PTPRO: variants seen among roughly 807,000 people sequenced by gnomAD.
The protein encoded by PTPRO is protein tyrosine phosphatase receptor type O.
In PTPRO, 62 loss-of-function variants were observed where a neutral mutation model predicts 145.2. The ratio of observed to expected loss-of-function variants is 0.43; its 90% confidence interval spans 0.35 to 0.53. The LOEUF is 0.53. Among genes scored for constraint, PTPRO ranks in the 20% least tolerant of loss-of-function variants. The probability of loss-of-function intolerance (pLI) is 0.01; values close to 1 mark genes in which losing one functional copy is unlikely to be tolerated. For missense variants in PTPRO, 1,345 were observed against 1,482.7 expected (o/e 0.91, Z 1.53); for synonymous variants, 565 against 514.7 (o/e 1.10, Z -1.32).
chr12:15,322,685 C>A lies in PTPRO; in HGVS notation c.-42C>A. On this transcript the variant is annotated 5_prime_UTR_variant, in exon 1 of 27. Coordinates refer to ENST00000281171, the MANE Select transcript of PTPRO (RefSeq NM_030667.3). This position sits in a 1 kb window ranked among gnomAD's most constrained non-coding sequence, Gnocchi z 6.3. ...CATTGTGAGCCGCCGCCGGGGGAGT[C>A]CGCTAGCGCAGCCGTGCCCCCGAGT... 1.9e-6 allele frequency: 3 copies of A among 1,558,260 alleles called. No individual in the cohort carries two copies. Among genetic ancestry groups the A allele is most frequent in the South Asian group, 1.1e-5 (1 of 87,118 alleles).
chr12:15,482,008 A>G (rs995543899), intron 1 of PTPRO, among the ~76,000 whole-genome samples: 2 of 152,178 alleles, frequency 1.3e-5, no homozygotes, highest in African/African-American at 4.8e-5. Context: ...ACGACTGGGT[A>G]TCTATCCAAA....
intron 1 of PTPRO, among the ~76,000 whole-genome samples, chr12:15,457,391 C>T (rs1941204389): frequency 6.6e-6 from 1 of 152,170 alleles, no homozygotes; most frequent in African/African-American, 2.4e-5. Flanking sequence ...TCTGGAGAAC[C>T]ATGAATAATA....
At chr12:15,569,317 A>G (rs1019325861) in intron 18 of PTPRO, 100 bp from the exon 19 acceptor site, 16 of 1,150,404 alleles carry the variant, frequency 1.4e-5, no homozygotes, top group African/African-American at 4.7e-5. Flanking sequence ...TAAAACTTCT[A>G]TTTTCTCCAA....
chr12:15,524,860 G>A lies in PTPRO; in HGVS notation c.1938G>A (p.Leu646=). ...CTTCTGTGGAATATTTCAACAGTCT[G>A]TTATATATCAGTTGGACATATGGGG... is the stretch of plus-strand genomic sequence containing the variant. ...EITSVEYFNS[L]LYISWTYGDD... The change falls in exon 11 of 27, where the codon CTG becomes CTA. Residue 646 remains leucine (L), a synonymous_variant. Transcript: ENST00000281171. 6.2e-7 allele frequency: 1 copy of A among 1,613,508 alleles called. No individual in the cohort carries two copies. Among genetic ancestry groups the A allele is most frequent in the Non-Finnish European group, 8.5e-7 (1 of 1,179,488 alleles).
At chr12:15,340,970 A>C (rs1866961293) in intron 1 of PTPRO, among the ~76,000 whole-genome samples, 1 of 152,242 alleles carries the variant, frequency 6.6e-6, no homozygotes, top group Non-Finnish European at 1.5e-5. Context: ...CAAAGTGTAA[A>C]TAGAAGACAT....
intron 16 of PTPRO, among the ~76,000 whole-genome samples, 187 bp downstream of exon 16, chr12:15,557,710 A>G (rs1366458913): frequency 6.6e-6 from 1 of 152,086 alleles, no homozygotes; most frequent in Non-Finnish European, 1.5e-5. Flanking sequence ...GCAGTTCTGA[A>G]GTAGGGAAAG....
At chr12:15,456,738 A>G (rs933577313) in intron 1 of PTPRO, among the ~76,000 whole-genome samples, 11 of 152,082 alleles carry the variant, frequency 7.2e-5, no homozygotes, top group East Asian at 5.8e-4. Context: ...AGGTTATCCA[A>G]TGTACTGGTA....
At chr12:15,515,378 C>G (rs1942554978) in intron 7 of PTPRO, 120 bp from the exon 8 acceptor site, 4 of 1,318,670 alleles carry the variant, frequency 3.0e-6, no homozygotes, top group Non-Finnish European at 4.3e-6. Flanking sequence ...TTCAGTAAAG[C>G]CTTCTGGATT....
chr12:15,448,298 A>G, intron 1 of PTPRO, among the ~76,000 whole-genome samples: 1 of 124,718 alleles, frequency 8.0e-6, no homozygotes, highest in African/African-American at 2.9e-5. Flanking sequence ...ACCTGGCATT[A>G]TATATTTGCC....
chr12:15,415,529 C>T (rs190712983), intron 1 of PTPRO, among the ~76,000 whole-genome samples: 28,395 of 151,558 alleles, frequency 0.19, 3,338 homozygotes, highest in Admixed American at 0.31. Context: ...GGACTACAGG[C>T]ACCTGCCACC....
chr12:15,355,430 C>A (rs911394616), intron 1 of PTPRO, among the ~76,000 whole-genome samples: 14 of 152,184 alleles, frequency 9.2e-5, no homozygotes, highest in Non-Finnish European at 8.8e-5. Flanking sequence ...CACTGAAAAA[C>A]CCAGTTTTGC....
At chr12:15,511,003 C>CAAAAA (rs10648692) in intron 7 of PTPRO, among the ~76,000 whole-genome samples, 29,328 of 104,844 alleles carry the variant, frequency 0.28, 3,531 homozygotes, top group Non-Finnish European at 0.33. Flanking sequence ...TCTGTCTCCA[C>CAAAAA]AAAAAAAAAA....
At chr12:15,526,355 C>G (rs530579644) in intron 12 of PTPRO, 93 bp downstream of exon 12, 2 of 1,528,096 alleles carry the variant, frequency 1.3e-6, no homozygotes, top group Admixed American at 3.4e-5. Context: ...GAAATAATAA[C>G]AGAAAAATGG....
rs1179888435 is a variant in PTPRO, at chr12:15,597,674, C to T, written c.*1601C>T. On this transcript the variant is annotated 3_prime_UTR_variant, in exon 27 of 27. Coordinates refer to ENST00000281171, the MANE Select transcript of PTPRO (RefSeq NM_030667.3). The stretch of plus-strand genomic sequence containing the variant: ...TCTGGCCAGTGAGTCTCAGTTTCAC[C>T]TTGCAGGGTGAATGGCAGAGGATGC... Among the ~76,000 whole-genome samples the T allele has an allele frequency of 6.6e-6, 1 of 152,176 alleles. No homozygotes were observed. Among genetic ancestry groups the T allele is most frequent in the Non-Finnish European group, 1.5e-5 (1 of 68,032 alleles).
intron 7 of PTPRO, among the ~76,000 whole-genome samples, chr12:15,513,223 AAGAAAAG>A (rs1223099823): frequency 1.1e-4 from 15 of 134,264 alleles, no homozygotes; most frequent in Admixed American, 2.3e-4. Flanking sequence ...GAAAGAAAGA[AAGAAAAG>A]AAAGAAAGAG....
intron 1 of PTPRO, among the ~76,000 whole-genome samples, chr12:15,435,797 T>C (rs1172279619): frequency 1.3e-5 from 2 of 152,156 alleles, no homozygotes. Context: ...TTTCCCCAAA[T>C]ACTAACACAT....
intron 1 of PTPRO, chr12:15,410,240 G>A (rs1939762181): frequency 6.6e-6 from 1 of 152,174 alleles, no homozygotes; most frequent in African/African-American, 2.4e-5. Context: ...ACTTGACTTG[G>A]CCATGGATGC....
chr12:15,466,304 G>A (rs539545823), intron 1 of PTPRO, among the ~76,000 whole-genome samples: 5 of 152,168 alleles, frequency 3.3e-5, no homozygotes, highest in South Asian at 2.1e-4. Context: ...TTTTAATAGC[G>A]CAAGAAGTAA....
chr12:15,329,596 T>C (rs1311153361), intron 1 of PTPRO, among the ~76,000 whole-genome samples: 1 of 152,210 alleles, frequency 6.6e-6, no homozygotes, highest in Non-Finnish European at 1.5e-5. Context: ...TACTGTCTTT[T>C]GTATTCCAGA....
Sources: allele counts gnomAD v4.1 joint callset (sites outside exome capture counted in the v4.1 genomes callset), GRCh38; gene constraint gnomAD v4.1.1; non-coding constraint Gnocchi (gnomAD v3.1); transcripts MANE v1.5; gene names NCBI Gene and HGNC (gene_info 2026-07-23, HGNC 2026-07-21).